The following MED24 variants were observed in gnomAD, a reference collection of about 807,000 sequenced individuals.
MED24 encodes mediator complex subunit 24, also known as mediator of RNA polymerase II transcription subunit 24.
In MED24, 74 loss-of-function variants were observed where a neutral mutation model predicts 118.8. The ratio of observed to expected loss-of-function variants is 0.62; its 90% CI spans 0.52 to 0.76. The LOEUF (loss-of-function observed/expected upper bound fraction) is 0.76, where lower values mean the gene tolerates loss of function less well. Ranked by LOEUF, MED24 falls within the 30% of genes least tolerant of loss-of-function variation. MED24 has a pLI of 0.00. For missense variants in MED24, 1,041 were observed against 1,278.9 expected, an observed-to-expected ratio of 0.81 and a Z score of 2.84; for synonymous variants, 521 against 523.9, an observed-to-expected ratio of 0.99 and a Z score of 0.08.
intron 3 of MED24, among the ~76,000 whole-genome samples, chr17:40,040,325 C>G (rs1428359413): frequency 6.6e-6 from 1 of 152,082 alleles, no homozygotes; most frequent in African/African-American, 2.4e-5. Context: ...GATCCACCTG[C>G]CTCGGCCTCC....
chr17:40,023,393 A>C lies in MED24; in HGVS notation c.1988T>G (p.Val663Gly). 5.1e-6 allele frequency: 8 copies of C among 1,583,762 alleles called. No individual in the cohort carries two copies. Among genetic ancestry groups the C allele is most frequent in the Non-Finnish European group, 6.9e-6 (8 of 1,162,684 alleles). ...CTCCAGGATCGAGTTCATGATCACC[A>C]CCCTGGGGGAGGGCCGAGAGAACCT... ...ENTLQFYNER[V>G]VIMNSILERM... Residue 663 changes from valine to glycine, a missense_variant and splice_region_variant, in exon 20 of 26, where the codon GTG becomes GGG. This residue lies in a region of MED24 where 587 missense variants were observed against 694.4 expected (regional missense o/e 0.85). Coordinates refer to ENST00000394128, the MANE Select transcript of MED24 (RefSeq NM_014815.4).
rs1369367137 is a variant in MED24 at position 40,019,169 on chromosome 17, CACACAA to C, written c.*354_*359del. On this transcript the variant is annotated 3_prime_UTR_variant, in exon 26 of 26. Coordinates refer to ENST00000394128, the MANE Select transcript of MED24 (RefSeq NM_014815.4). ...GATTTCCCTCACATATTACAAAATA[CACACAA>C]ACACACACACACACACACACACACA... The C allele has an allele frequency of 1.1e-4, 17 of 153,604 alleles. No individual in the cohort carries two copies. Among genetic ancestry groups the C allele is most frequent in the African/African-American group, 4.8e-4 (14 of 28,872 alleles). 9.5% of individuals were successfully genotyped at this position (153,604 alleles called of 1,614,324 possible).
At chr17:40,048,574 G>A (rs71371407) in intron 3 of MED24, among the ~76,000 whole-genome samples, 3,316 of 152,098 alleles carry the variant, frequency 0.022, 136 homozygotes, top group African/African-American at 0.075. Flanking sequence ...TTTTTATTGA[G>A]ACAGAGTCTT....
rs377632266 is a variant in MED24, at chr17:40,034,429, C to T, written c.559+688G>A. Reference sequence around the variant, plus strand: ...CTCGAGAGTAGCCCATTCTAGCATTCTTGTTCCTGGAGAACAAGAGACCTG... The same window carrying T: ...CTCGAGAGTAGCCCATTCTAGCATTTTTGTTCCTGGAGAACAAGAGACCTG... On this transcript the variant is annotated intron_variant, in intron 6 of 25. Transcript: ENST00000394128. 6.6e-5 allele frequency among the ~76,000 whole-genome samples: 10 copies of T among 152,350 alleles called. 1 individual carries two copies. In the East Asian group the frequency reaches 1.7e-3, roughly 26 times the overall value.
chr17:40,032,847 G>C, intron 8 of MED24, 85 bp from the exon 9 acceptor site: 1 of 1,395,684 alleles, frequency 7.2e-7, no homozygotes, highest in Non-Finnish European at 1.0e-6. Flanking sequence ...GGCTGGGTCA[G>C]AGACTGCATG....
chr17:40,029,130 C>A, intron 13 of MED24, 162 bp from the exon 14 acceptor site: 1 of 924,822 alleles, frequency 1.1e-6, no homozygotes, highest in Admixed American at 2.5e-5. Context: ...GCTCTCCGAT[C>A]CATCCCTCTC....
chr17:40,029,686 G>T, intron 13 of MED24, 62 bp downstream of exon 13: 1 of 1,455,422 alleles, frequency 6.9e-7, no homozygotes, highest in Non-Finnish European at 9.6e-7. Flanking sequence ...TTATCTGCAA[G>T]CAGATGGAGC....
intron 10 of MED24, 59 bp from the exon 11 acceptor site, chr17:40,031,679 A>C: frequency 1.3e-6 from 2 of 1,507,440 alleles, no homozygotes; most frequent in Non-Finnish European, 1.8e-6. Flanking sequence ...TGATCATCTC[A>C]GGCAACCTTG....
At position 40,031,520 on chromosome 17, in the gene MED24, G is replaced by T. The variant is rs928329225; in HGVS notation, c.1067+18C>A. 2.5e-6 allele frequency: 4 copies of T among 1,610,880 alleles called. No homozygotes were observed. The highest frequency in any genetic ancestry group is 1.7e-5 in the Admixed American group (1 of 59,978). On this transcript the variant is annotated intron_variant, in intron 11 of 25. Transcript: ENST00000394128. The stretch of plus-strand genomic sequence containing the variant: ...GAACGCCTTCCAGTAGGGCGGGGGT[G>T]ACCAGGGGAGCTCATACTTGCAGCG...
At chr17:40,039,991 G>C (rs1598358545) in intron 3 of MED24, among the ~76,000 whole-genome samples, 1 of 151,068 alleles carries the variant, frequency 6.6e-6, no homozygotes, top group Non-Finnish European at 1.5e-5. Context: ...CACCATGTTA[G>C]CCAGGATGGT....
rs953162069 is a variant in MED24, at chr17:40,044,351, A to T, written c.214-8197T>A. Among the ~76,000 whole-genome samples the T allele has an allele frequency of 4.6e-5, 7 of 151,284 alleles. 1 individual carries two copies. In the South Asian group the frequency reaches 1.5e-3, roughly 32 times the overall value. On this transcript the variant is annotated intron_variant, in intron 3 of 25. Coordinates refer to ENST00000394128, the MANE Select transcript of MED24 (RefSeq NM_014815.4). ...CCTCGCTAACATGGAGAATCCCCGT[A>T]TCTACTAAAAATACAAAAATTAGCT...
chr17:40,030,971 G>A (rs906964380), intron 12 of MED24, among the ~76,000 whole-genome samples, 188 bp downstream of exon 12: 57 of 152,164 alleles, frequency 3.7e-4, no homozygotes, highest in Non-Finnish European at 6.8e-4. Context: ...CAGTGACTAA[G>A]AGTGTAAAAC....
At chr17:40,037,783 T>C (rs1003532335) in intron 3 of MED24, among the ~76,000 whole-genome samples, 6 of 151,656 alleles carry the variant, frequency 4.0e-5, no homozygotes, top group South Asian at 2.1e-4. Context: ...TGGTGGCGGG[T>C]GCCTATAGTC....
At chr17:40,026,788 G>T in intron 17 of MED24, 42 bp from the exon 18 acceptor site, 2 of 1,611,212 alleles carry the variant, frequency 1.2e-6, no homozygotes, top group Non-Finnish European at 8.5e-7. Flanking sequence ...AGCAAGGAAC[G>T]GGCTCAGGGA....
chr17:40,053,306 T>G lies in MED24; in HGVS notation c.205A>C (p.Ser69Arg). 1 of 1,607,426 alleles carries G rather than the reference T, an allele frequency of 6.2e-7. No individual in the cohort carries two copies. The highest frequency in any genetic ancestry group is 8.5e-7 in the Non-Finnish European group (1 of 1,176,390). The change falls in exon 3 of 26, where the codon AGT becomes CGT. Residue 69 changes from serine to arginine, a missense_variant. Physicochemically the swap from Ser to Arg is moderately radical, Grantham distance 110. This residue lies in a region of MED24 where 434 missense variants were observed against 514.9 expected (regional missense o/e 0.84). Coordinates refer to ENST00000394128, the MANE Select transcript of MED24 (RefSeq NM_014815.4). ...GTTTGCGGGAAGCTTACCTGGGAAC[T>G]AATGGCATACTTCAGGTAGGACAAG... The part of the protein sequence containing the change: ...LILSYLKYAI[S>R]SQMVSYSSVL...
intron 12 of MED24, 74 bp from the exon 13 acceptor site, chr17:40,029,933 GC>G: frequency 7.2e-7 from 1 of 1,397,712 alleles, no homozygotes; most frequent in Non-Finnish European, 1.0e-6. Context: ...CCTCGTTCAA[GC>G]CCGGAAGGAA....
At chr17:40,031,856 G>A (rs151144850) in intron 10 of MED24, among the ~76,000 whole-genome samples, 187 bp downstream of exon 10, 131 of 146,254 alleles carry the variant, frequency 9.0e-4, no homozygotes, top group African/African-American at 3.0e-3. Flanking sequence ...ACACACTGAA[G>A]CACACGCACA....
At chr17:40,028,133 T>G in intron 14 of MED24, 187 bp from the exon 15 acceptor site, 1 of 591,226 alleles carries the variant, frequency 1.7e-6, no homozygotes, top group South Asian at 2.0e-5. Context: ...TTGTTTTTTT[T>G]GAGAAAGAGT....
rs1405061137 is a variant in MED24 at position 40,035,940 on chromosome 17, C to T, written c.253-145G>A. ...CAGCATCCTCAACACTGGACATTGGCTCCCAAGCACCAGCCCCTACTTGCC... is the reference window on the plus strand; with the variant it reads ...CAGCATCCTCAACACTGGACATTGGTTCCCAAGCACCAGCCCCTACTTGCC... On this transcript the variant is annotated intron_variant, in intron 4 of 25. Transcript: ENST00000394128. The T allele has an allele frequency of 5.6e-6, 6 of 1,067,630 alleles. No individual in the cohort carries two copies. The East Asian group carries it at 1.5e-4, about 27-fold the overall frequency. The allele number at this position is 1,067,630 out of a possible 1,614,324, so 66.1% of individuals were successfully genotyped here. A position where few individuals can be genotyped will look rare whatever the true frequency, so the allele number is the denominator to read the frequency against.
Sources: allele counts gnomAD v4.1 joint callset (sites outside exome capture counted in the v4.1 genomes callset), GRCh38; gene constraint gnomAD v4.1.1; regional missense constraint gnomAD v4.1.1; transcripts MANE v1.5; gene names NCBI Gene and HGNC (gene_info 2026-07-23, HGNC 2026-07-21).